Variants in PPM1H observed in about 807,000 individuals in gnomAD.
The protein encoded by PPM1H is protein phosphatase 1H.
Under a neutral mutation model 54.9 loss-of-function variants are expected in PPM1H, and 27 were observed. That is an observed-to-expected ratio of 0.49 (90% CI 0.36 to 0.68). The LOEUF (loss-of-function observed/expected upper bound fraction) is 0.68. Ranked by LOEUF, PPM1H falls within the 30% of genes least tolerant of loss-of-function variation. The pLI is 0.00. For missense variants in PPM1H, 596 were observed against 667.8 expected (o/e 0.89, Z 1.19); for synonymous variants, 305 against 270.8 (o/e 1.13, Z -1.24).
Position 62,683,558 on chromosome 12 carries a change from T to C in PPM1H, c.1245+6141A>G, listed in dbSNP as rs554579577. Among the ~76,000 whole-genome samples, 5 of 152,092 alleles carry C rather than the reference T, an allele frequency of 3.3e-5. No individual in the cohort carries two copies. The South Asian group carries it at 8.3e-4, about 25-fold the overall frequency. ...AAAAGAAAATCTAGATTTTAGAAAA[T>C]GGAGAGTGAGCTAAATAAGTGATCT... On this transcript the variant is annotated intron_variant, in intron 8 of 9. Transcript: ENST00000228705.
intron 9 of PPM1H, among the ~76,000 whole-genome samples, chr12:62,655,995 G>A (rs183098761): frequency 1.3e-3 from 202 of 152,348 alleles, no homozygotes; most frequent in Non-Finnish European, 2.4e-3. Flanking sequence ...AGCAGAGAAA[G>A]GACAGCAGGG....
chr12:62,727,722 G>A (rs1296544941), intron 5 of PPM1H, among the ~76,000 whole-genome samples: 1 of 150,850 alleles, frequency 6.6e-6, no homozygotes, highest in Non-Finnish European at 1.5e-5. Flanking sequence ...ATGCAGTGAT[G>A]CAATCTTGGC....
chr12:62,782,536 C>T (rs2076648421), intron 4 of PPM1H, among the ~76,000 whole-genome samples: 1 of 152,166 alleles, frequency 6.6e-6, no homozygotes, highest in Non-Finnish European at 1.5e-5. Flanking sequence ...TCACTGGCTT[C>T]GTTCAGTGAC....
intron 1 of PPM1H, among the ~76,000 whole-genome samples, chr12:62,856,114 C>T (rs553973148): frequency 6.6e-6 from 1 of 152,288 alleles, no homozygotes; most frequent in Non-Finnish European, 1.5e-5. Flanking sequence ...CAGCTGGTTT[C>T]CTCATGTGAA....
At chr12:62,669,371 A>G (rs1229847559) in intron 8 of PPM1H, among the ~76,000 whole-genome samples, 1 of 152,228 alleles carries the variant, frequency 6.6e-6, no homozygotes, top group Non-Finnish European at 1.5e-5. Context: ...GAAGTCAGCT[A>G]GGGATCCTGC....
At chr12:62,746,113 T>C (rs2076408964) in intron 4 of PPM1H, among the ~76,000 whole-genome samples, 1 of 152,080 alleles carries the variant, frequency 6.6e-6, no homozygotes, top group South Asian at 2.1e-4. Flanking sequence ...GAGGATCACT[T>C]GAGCCCAGAA....
intron 9 of PPM1H, among the ~76,000 whole-genome samples, chr12:62,649,593 G>A (rs2075805229): frequency 6.6e-6 from 1 of 152,118 alleles, no homozygotes; most frequent in Non-Finnish European, 1.5e-5. Context: ...GGTCATATTT[G>A]GTGTGGGATG....
intron 5 of PPM1H, among the ~76,000 whole-genome samples, chr12:62,735,534 G>T: frequency 6.6e-6 from 1 of 152,216 alleles, no homozygotes; most frequent in South Asian, 2.1e-4. Flanking sequence ...TAAATCTTTC[G>T]TTCAGTAAAC....
intron 1 of PPM1H, among the ~76,000 whole-genome samples, chr12:62,932,492 C>T (rs1354889993): frequency 1.3e-5 from 2 of 152,166 alleles, no homozygotes; most frequent in Non-Finnish European, 2.9e-5. Flanking sequence ...CTCGCCTTGA[C>T]AGGCGCCCTC....
intron 6 of PPM1H, among the ~76,000 whole-genome samples, chr12:62,711,757 AGAGAC>A (rs1161148086): frequency 6.6e-6 from 1 of 152,176 alleles, no homozygotes; most frequent in African/African-American, 2.4e-5. Context: ...ATTGAAGCAG[AGAGAC>A]GTGTGTGAGT....
chr12:62,852,040 C>T (rs1869208905), intron 1 of PPM1H, among the ~76,000 whole-genome samples: 1 of 151,558 alleles, frequency 6.6e-6, no homozygotes, highest in African/African-American at 2.4e-5. Flanking sequence ...ACCAGCCTGA[C>T]CAATATGGTG....
chr12:62,678,488 C>T (rs1449209792), intron 8 of PPM1H, among the ~76,000 whole-genome samples: 2 of 152,030 alleles, frequency 1.3e-5, no homozygotes, highest in African/African-American at 4.8e-5. Flanking sequence ...GAGTAAATCT[C>T]AAGTTTTATT....
intron 8 of PPM1H, among the ~76,000 whole-genome samples, chr12:62,683,682 C>T (rs1400382683): frequency 6.6e-6 from 1 of 152,078 alleles, no homozygotes; most frequent in Non-Finnish European, 1.5e-5. Context: ...CTAGCAGGGG[C>T]GGAAAGGGGG....
chr12:62,680,250 CTCTTTCCT>C (rs894609301), intron 8 of PPM1H, among the ~76,000 whole-genome samples: 5 of 151,602 alleles, frequency 3.3e-5, no homozygotes, highest in Non-Finnish European at 7.4e-5. Context: ...TTCTCTTTCC[CTCTTTCCT>C]CTTTCCCCCT....
At position 62,824,840 on chromosome 12, in the gene PPM1H, G is replaced by T. The variant is rs563408246; in HGVS notation, c.411+7274C>A. Among the ~76,000 whole-genome samples the T allele has an allele frequency of 5.9e-5, 9 of 152,160 alleles. No homozygotes were observed. The South Asian group carries it at 8.3e-4, about 14-fold the overall frequency. On this transcript the variant is annotated intron_variant, in intron 2 of 9. Transcript: ENST00000228705. Reference sequence around the variant, plus strand: ...CAATACCATTCAGGACATAGGCATGGGCAAGGACTTCATGACTAAAACACC... The same window carrying T: ...CAATACCATTCAGGACATAGGCATGTGCAAGGACTTCATGACTAAAACACC...
intron 1 of PPM1H, among the ~76,000 whole-genome samples, chr12:62,863,666 T>C (rs1325680543): frequency 6.6e-6 from 1 of 152,200 alleles, no homozygotes; most frequent in East Asian, 1.9e-4. Flanking sequence ...ATAGGCACTA[T>C]AGGGTTGCTA....
intron 8 of PPM1H, among the ~76,000 whole-genome samples, chr12:62,676,101 G>C (rs954498439): frequency 2.0e-5 from 3 of 152,166 alleles, no homozygotes; most frequent in African/African-American, 7.2e-5. Context: ...CCATGAGTGG[G>C]CCAGAAAAGC....
chr12:62,784,138 T>C (rs1009346175), intron 4 of PPM1H, among the ~76,000 whole-genome samples: 1 of 152,190 alleles, frequency 6.6e-6, no homozygotes, highest in African/African-American at 2.4e-5. Context: ...GCAACTGGCA[T>C]GCATCAAGCA....
chr12:62,756,604 G>A (rs967250112), intron 4 of PPM1H, among the ~76,000 whole-genome samples: 1 of 152,032 alleles, frequency 6.6e-6, no homozygotes, highest in African/African-American at 2.4e-5. Flanking sequence ...GGTGGTCCAG[G>A]CCAGGGAATA....
Sources: gnomAD v4.1 joint callset for allele counts (sites outside exome capture counted in the v4.1 genomes callset) on GRCh38, gnomAD v4.1.1 for gene constraint, MANE v1.5 for transcripts, NCBI Gene and HGNC (gene_info 2026-07-23, HGNC 2026-07-21) for gene names.